Variants in ME3 observed in about 807,000 individuals in gnomAD.
ME3 encodes malic enzyme 3, also known as NADP-dependent malic enzyme, mitochondrial.
In ME3, 48 loss-of-function variants were observed where a neutral mutation model predicts 68.9. The ratio of observed to expected loss-of-function variants is 0.70; its 90% CI spans 0.55 to 0.89. The LOEUF (loss-of-function observed/expected upper bound fraction) is 0.89, where lower values mean the gene tolerates loss of function less well. ME3 is among the 40% of genes least tolerant of loss of function. The pLI is 0.00. For missense variants in ME3, 675 were observed against 797.4 expected (o/e 0.85, Z 1.85); for synonymous variants, 320 against 318.8 (o/e 1.00, Z -0.04).
At position 86,660,387 on chromosome 11, in the gene ME3, A is replaced by G. The variant is rs183958869; in HGVS notation, c.183+11375T>C. 2.1e-3 allele frequency among the ~76,000 whole-genome samples: 316 copies of G among 152,362 alleles called. 3 individuals carry two copies. Among genetic ancestry groups the G allele is most frequent in the Admixed American group, 0.019 (292 of 15,304 alleles). ...ATGCAACAGAAGCTTTAGGATGTGC[A>G]TTAATCAAGAACTAATTGGACACTT... is the stretch of plus-strand genomic sequence containing the variant. On this transcript the variant is annotated intron_variant, in intron 2 of 14. Transcript: ENST00000543262.
At chr11:86,455,543 C>G (rs1286995753) in intron 8 of ME3, among the ~76,000 whole-genome samples, 1 of 152,180 alleles carries the variant, frequency 6.6e-6, no homozygotes, top group East Asian at 1.9e-4. Flanking sequence ...CAGTATCAAC[C>G]TACCTCTGCA....
chr11:86,629,078 A>G (rs924652110), intron 2 of ME3, among the ~76,000 whole-genome samples: 2 of 152,242 alleles, frequency 1.3e-5, no homozygotes, highest in African/African-American at 2.4e-5. Context: ...TTGTTCCTGC[A>G]AAACCTAACT....
rs536795371 is a variant in ME3, at chr11:86,654,795, G to T, written c.183+16967C>A. Among the ~76,000 whole-genome samples the T allele has an allele frequency of 3.7e-3, 570 of 152,278 alleles. 3 individuals are homozygous for T. The highest frequency in any genetic ancestry group is 0.013 in the African/African-American group (534 of 41,564). The stretch of plus-strand genomic sequence containing the variant: ...TAAAGGTCATTCAATTAGGAAAAGA[G>T]GAAGTCAAATTGTCCCTGTTTGCAG... On this transcript the variant is annotated intron_variant, in intron 2 of 14. Coordinates refer to ENST00000543262, the Ensembl canonical transcript of ME3.
At chr11:86,555,485 A>G (rs1956881579) in intron 4 of ME3, among the ~76,000 whole-genome samples, 1 of 152,220 alleles carries the variant, frequency 6.6e-6, no homozygotes, top group South Asian at 2.1e-4. Context: ...GAGCCCTGGC[A>G]TAGTGAGCCT....
At chr11:86,446,799 T>TG in intron 12 of ME3, 1 of 592,192 alleles carries the variant, frequency 1.7e-6, no homozygotes, top group South Asian at 2.4e-5. Context: ...CCTCAGGTTT[T>TG]GGGTGCTGGT....
chr11:86,668,703 G>T (rs1373398508), intron 2 of ME3, among the ~76,000 whole-genome samples: 1 of 152,206 alleles, frequency 6.6e-6, no homozygotes, highest in Admixed American at 6.5e-5. Context: ...GCTTGCCCTG[G>T]TCGGCACCTC....
Position 86,471,141 on chromosome 11 carries a change from CTTTTTTTT to C in ME3, c.810-5949_810-5942del, listed in dbSNP as rs1163128094. ...CCTACTTAAACTGTAAGGCCCAGAG[CTTTTTTTT>C]TTTTTTTTTTTTTTTTTTGAGAGAC... On this transcript the variant is annotated intron_variant, in intron 7 of 14. Coordinates refer to ENST00000543262, the Ensembl canonical transcript of ME3. Among the ~76,000 whole-genome samples the C allele has an allele frequency of 9.3e-5, 7 of 75,046 alleles. No individual in the cohort carries two copies. The East Asian group carries it at 1.6e-3, about 17-fold the overall frequency. The allele number at this position is 75,046 out of a possible 152,430, so 49.2% of individuals were successfully genotyped here.
intron 4 of ME3, among the ~76,000 whole-genome samples, chr11:86,515,556 C>G (rs1006587): frequency 6.6e-6 from 1 of 152,062 alleles, no homozygotes; most frequent in Admixed American, 6.5e-5. Context: ...GAGAATCAAA[C>G]AAGGCAAATT....
intron 12 of ME3, 135 bp from the exon 13 acceptor site, chr11:86,446,622 C>G: frequency 1.2e-6 from 1 of 841,558 alleles, no homozygotes; most frequent in Non-Finnish European, 1.8e-6. Flanking sequence ...GAGAACATGG[C>G]AGGTATTTAA....
At chr11:86,633,516 G>T (rs1944143689) in intron 2 of ME3, among the ~76,000 whole-genome samples, 1 of 152,228 alleles carries the variant, frequency 6.6e-6, no homozygotes, top group African/African-American at 2.4e-5. Context: ...GAAAGTAAGG[G>T]CATGGAGGAG....
chr11:86,492,114 G>C (rs1294697557), intron 6 of ME3, among the ~76,000 whole-genome samples: 1 of 152,226 alleles, frequency 6.6e-6, no homozygotes, highest in East Asian at 1.9e-4. Flanking sequence ...TTGAGGCTTT[G>C]TCACTTGACT....
intron 4 of ME3, among the ~76,000 whole-genome samples, chr11:86,537,449 G>A (rs1955754625): frequency 6.6e-6 from 1 of 152,112 alleles, no homozygotes; most frequent in Admixed American, 6.6e-5. Context: ...TAAGAGGCAG[G>A]AGGCCTGAGT....
intron 2 of ME3, among the ~76,000 whole-genome samples, chr11:86,612,359 G>A (rs1942645627): frequency 6.6e-6 from 1 of 152,168 alleles, no homozygotes; most frequent in Admixed American, 6.5e-5. Context: ...TGTAAATAGT[G>A]CTGTAATAAA....
chr11:86,510,994 T>G (rs1449051987), intron 4 of ME3, among the ~76,000 whole-genome samples: 1 of 152,190 alleles, frequency 6.6e-6, no homozygotes, highest in East Asian at 1.9e-4. Flanking sequence ...TCCAACCCCT[T>G]GAAATCATCC....
intron 5 of ME3, among the ~76,000 whole-genome samples, chr11:86,502,716 G>A (rs1440938762): frequency 6.6e-6 from 1 of 152,192 alleles, no homozygotes; most frequent in Non-Finnish European, 1.5e-5. Context: ...CATTTTCCTT[G>A]TTTGGAAGAG....
chr11:86,583,865 GA>G (rs1364253105), intron 2 of ME3, among the ~76,000 whole-genome samples: 1 of 152,104 alleles, frequency 6.6e-6, no homozygotes, highest in African/African-American at 2.4e-5. Context: ...AAAACTCCTA[GA>G]AGAAAACATA....
intron 2 of ME3, among the ~76,000 whole-genome samples, chr11:86,642,867 T>C (rs1565258234): frequency 1.3e-5 from 2 of 152,252 alleles, no homozygotes; most frequent in East Asian, 1.9e-4. Context: ...AGCAGAACTT[T>C]TGATACTTGC....
intron 7 of ME3, among the ~76,000 whole-genome samples, chr11:86,469,850 G>T (rs980570372): frequency 9.1e-5 from 13 of 143,366 alleles, no homozygotes; most frequent in East Asian, 4.1e-4. Context: ...GTTTGATTTT[G>T]TTTTTTTTTT....
chr11:86,663,772 C>A (rs1343643608), intron 2 of ME3, among the ~76,000 whole-genome samples: 2 of 152,168 alleles, frequency 1.3e-5, no homozygotes, highest in African/African-American at 4.8e-5. Flanking sequence ...ACCTCAGGGT[C>A]CACAAAGGCC....
Sources: allele counts gnomAD v4.1 joint callset (sites outside exome capture counted in the v4.1 genomes callset), GRCh38; gene constraint gnomAD v4.1.1; transcripts MANE v1.5; gene names NCBI Gene and HGNC (gene_info 2026-07-23, HGNC 2026-07-21).